POU2AF2: variants seen among roughly 807,000 people sequenced by gnomAD.
The protein encoded by POU2AF2 is POU domain class 2-associating factor 2.
At chr11:111,247,591 T>A in the POU2AF2 span, among the ~76,000 whole-genome samples, 2 of 151,902 alleles carry the variant, frequency 1.3e-5, no homozygotes, top group African/African-American at 4.8e-5. Context: ...ATCGAAACCA[T>A]CCTGGCCAAC....
At chr11:111,284,076 G>C in the POU2AF2 span, 2 of 1,608,058 alleles carry the variant, frequency 1.2e-6, no homozygotes, top group African/African-American at 2.7e-5. Context: ...TTGGCAACAG[G>C]TTCGCCGGTC....
chr11:111,269,566 T>C, the POU2AF2 span, among the ~76,000 whole-genome samples: 1 of 152,318 alleles, frequency 6.6e-6, no homozygotes, highest in East Asian at 1.9e-4. Context: ...TGGTGAATTC[T>C]TTCATGCAGC....
At chr11:111,281,529 A>T in the POU2AF2 span, 1 of 1,349,554 alleles carries the variant, frequency 7.4e-7, no homozygotes, top group Non-Finnish European at 1.0e-6. Context: ...ACCTTACAAC[A>T]CTTCCAAAAC....
At chr11:111,275,973 T>C in the POU2AF2 span, among the ~76,000 whole-genome samples, 1 of 151,954 alleles carries the variant, frequency 6.6e-6, no homozygotes, top group Non-Finnish European at 1.5e-5. Flanking sequence ...GAAGAAAGAA[T>C]CACAGACACA....
At chr11:111,268,586 T>G in the POU2AF2 span, among the ~76,000 whole-genome samples, 2 of 151,390 alleles carry the variant, frequency 1.3e-5, no homozygotes, top group African/African-American at 4.9e-5. Context: ...CAGGCTGAAG[T>G]GCAATGGCAT....
At chr11:111,286,125 C>T in the POU2AF2 span, 2 of 1,542,502 alleles carry the variant, frequency 1.3e-6, no homozygotes, top group East Asian at 2.3e-5. Context: ...TTAGGTGTGT[C>T]AGCCCATTCA....
chr11:111,283,959 C>T, the POU2AF2 span: 17 of 850,206 alleles, frequency 2.0e-5, no homozygotes, highest in Admixed American at 2.3e-4. Flanking sequence ...TCCATGTTAG[C>T]GTTGGAGTCA....
At chr11:111,276,453 A>AAAAAAAAAATAT in the POU2AF2 span, among the ~76,000 whole-genome samples, 13 of 37,664 alleles carry the variant, frequency 3.5e-4, no homozygotes, top group East Asian at 3.7e-3. Context: ...AAAAAAAAAA[A>AAAAAAAAAATAT]ATATATATAT....
At chr11:111,283,699 T>C in the POU2AF2 span, among the ~76,000 whole-genome samples, 19 of 152,124 alleles carry the variant, frequency 1.2e-4, no homozygotes, top group Admixed American at 1.2e-3. Flanking sequence ...GTTCTATGTA[T>C]ATGGAGAGGT....
chr11:111,251,939 C>T, the POU2AF2 span, among the ~76,000 whole-genome samples: 1 of 152,230 alleles, frequency 6.6e-6, no homozygotes, highest in Non-Finnish European at 1.5e-5. Flanking sequence ...ATCTCATGAA[C>T]TTTATTCCTC....
At chr11:111,247,943 G>T in the POU2AF2 span, among the ~76,000 whole-genome samples, 1 of 146,534 alleles carries the variant, frequency 6.8e-6, no homozygotes, top group Admixed American at 6.8e-5. Context: ...CAGTGGTGTG[G>T]CGCGATCTCC....
chr11:111,285,272 G>A, the POU2AF2 span, among the ~76,000 whole-genome samples: 1 of 152,146 alleles, frequency 6.6e-6, no homozygotes, highest in East Asian at 1.9e-4. Flanking sequence ...TGGGCCAAGC[G>A]CTGACCTTCC....
the POU2AF2 span, among the ~76,000 whole-genome samples, chr11:111,250,279 C>G: frequency 2.6e-4 from 39 of 152,142 alleles, no homozygotes; most frequent in African/African-American, 9.2e-4. Flanking sequence ...TTACCATTTC[C>G]CATCCTCTCA....
chr11:111,247,191 C>CAGAGAGAGAGAGAGAGAGAGAGAGAG, the POU2AF2 span, among the ~76,000 whole-genome samples: 1 of 144,762 alleles, frequency 6.9e-6, no homozygotes, highest in South Asian at 2.4e-4. Context: ...TACACACACA[C>CAGAGAGAGAGAGAGAGAGAGAGAGAG]AGAGAGAGAG....
the POU2AF2 span, among the ~76,000 whole-genome samples, chr11:111,271,125 C>A: frequency 1.3e-5 from 2 of 152,096 alleles, no homozygotes. Flanking sequence ...GAGTTTGAGA[C>A]CAGCCTGGCC....
chr11:111,258,169 TGAGA>T, the POU2AF2 span, among the ~76,000 whole-genome samples: 1 of 151,166 alleles, frequency 6.6e-6, no homozygotes, highest in South Asian at 2.1e-4. Flanking sequence ...TCTAGTCTCT[TGAGA>T]GAGAGAGAGA....
At chr11:111,247,191 C>CAGAGAGAGAGAGAG in the POU2AF2 span, among the ~76,000 whole-genome samples, 12,834 of 144,572 alleles carry the variant, frequency 0.089, 764 homozygotes, top group Admixed American at 0.12. Flanking sequence ...TACACACACA[C>CAGAGAGAGAGAGAG]AGAGAGAGAG....
chr11:111,280,533 G>A, the POU2AF2 span, among the ~76,000 whole-genome samples: 1 of 152,096 alleles, frequency 6.6e-6, no homozygotes, highest in Admixed American at 6.5e-5. Flanking sequence ...GTGCTGCCCA[G>A]GACTTGAATC....
the POU2AF2 span, chr11:111,285,607 AG>A: frequency 6.4e-7 from 1 of 1,573,530 alleles, no homozygotes; most frequent in Non-Finnish European, 8.6e-7. Flanking sequence ...GTATCATCAG[AG>A]TGTCACCTAG....
Sources: gnomAD v4.1 joint callset for allele counts (sites outside exome capture counted in the v4.1 genomes callset) on GRCh38, gnomAD v4.1.1 for gene constraint, MANE v1.5 for transcripts, NCBI Gene and HGNC (gene_info 2026-07-23, HGNC 2026-07-21) for gene names.